The following MRC1 variants were observed in gnomAD, a reference collection of about 807,000 sequenced individuals.
The protein encoded by MRC1 is macrophage mannose receptor 1.
In MRC1, 62 loss-of-function variants were observed where a neutral mutation model predicts 102.9. That is an observed-to-expected ratio of 0.60 (90% CI 0.49 to 0.74). The LOEUF (loss-of-function observed/expected upper bound fraction) is 0.74, where lower values mean the gene tolerates loss of function less well. Ranked by LOEUF, MRC1 falls within the 30% of genes least tolerant of loss-of-function variation. The pLI is 0.00. For missense variants in MRC1, 1,237 were observed against 862.8 expected (o/e 1.43, Z -5.43); for synonymous variants, 457 against 298.4 (o/e 1.53, Z -5.48).
intron 9 of MRC1, among the ~76,000 whole-genome samples, chr10:17,858,190 G>C (rs1302819473): frequency 2.0e-5 from 3 of 152,162 alleles, no homozygotes; most frequent in Non-Finnish European, 4.4e-5. Flanking sequence ...GTTTAGCTAG[G>C]TCAGTTTAGA....
chr10:17,900,384 T>C (rs1459681593), intron 24 of MRC1, among the ~76,000 whole-genome samples: 1 of 152,092 alleles, frequency 6.6e-6, no homozygotes, highest in Non-Finnish European at 1.5e-5. Context: ...CTCTCAGGTG[T>C]CCATGAATTT....
chr10:17,896,218 T>C (rs1368469194), intron 23 of MRC1, among the ~76,000 whole-genome samples: 2 of 152,208 alleles, frequency 1.3e-5, no homozygotes, highest in African/African-American at 4.8e-5. Flanking sequence ...AAGGAATTTT[T>C]CTATACTATT....
At chr10:17,862,182 C>T (rs1433415846) in intron 10 of MRC1, among the ~76,000 whole-genome samples, 2 of 151,972 alleles carry the variant, frequency 1.3e-5, no homozygotes, top group Non-Finnish European at 2.9e-5. Flanking sequence ...ACTGGACTTT[C>T]GAGGCAGACC....
At chr10:17,902,225 AT>A (rs1176099458) in intron 26 of MRC1, 103 bp downstream of exon 26, 1 of 659,910 alleles carries the variant, frequency 1.5e-6, no homozygotes, top group Non-Finnish European at 2.8e-6. Context: ...ACCTGTTTAT[AT>A]TTTTAATGAT....
At position 17,898,320 on chromosome 10, in the gene MRC1, T is replaced by C. The variant is rs1163466056; in HGVS notation, c.3483+54T>C. 7.7e-6 allele frequency: 6 copies of C among 780,674 alleles called. No homozygotes were observed. In the East Asian group the frequency reaches 1.5e-4, roughly 19 times the overall value. 48.4% of individuals were successfully genotyped at this position (780,674 alleles called of 1,614,324 possible). On this transcript the variant is annotated intron_variant, in intron 24 of 29. Coordinates refer to ENST00000569591, the MANE Select transcript of MRC1 (RefSeq NM_002438.4). ...ACATGATCAGTGAATTATGGTTGAATATGATTATCTTTCTGTTTGTTCTGT... is the reference window on the plus strand; with the variant it reads ...ACATGATCAGTGAATTATGGTTGAACATGATTATCTTTCTGTTTGTTCTGT...
rs968205662 is a variant in MRC1 at position 17,814,853 on chromosome 10, C to T, written c.61+5327C>T. On this transcript the variant is annotated intron_variant, in intron 1 of 29. Coordinates refer to ENST00000569591, the MANE Select transcript of MRC1 (RefSeq NM_002438.4). ...CTAATTTTTGTATTTTTAGTAGAGA[C>T]GGGATTTGGTCATGCTCACCAGGCT... Among the ~76,000 whole-genome samples, 122 of 151,648 alleles carry T rather than the reference C, an allele frequency of 8.0e-4. 1 individual carries two copies. Among genetic ancestry groups the T allele is most frequent in the Non-Finnish European group, 1.5e-4 (10 of 67,888 alleles).
In MRC1 at chr10:17,832,319, A is replaced by G. The variant is rs1349548243; in HGVS notation, c.638-1356A>G. On this transcript the variant is annotated intron_variant, in intron 3 of 29. Coordinates refer to ENST00000569591, the MANE Select transcript of MRC1 (RefSeq NM_002438.4). ...AAAACATGTTTTATTCACTTTGGGA[A>G]GCCGAGGCGGGTGGATCACAAGGTC... is the stretch of plus-strand genomic sequence containing the variant. 1.0e-3 allele frequency among the ~76,000 whole-genome samples: 155 copies of G among 151,268 alleles called. No homozygotes were observed. The Middle Eastern group carries it at 0.014, about 13-fold the overall frequency.
chr10:17,903,404 T>TC (rs1249183434), intron 26 of MRC1, among the ~76,000 whole-genome samples: 4 of 140,190 alleles, frequency 2.9e-5, no homozygotes, highest in African/African-American at 1.0e-4. Flanking sequence ...TTTTTTTTTT[T>TC]TTTTTTTTTG....
chr10:17,824,349 C>T (rs2130593608), intron 2 of MRC1, among the ~76,000 whole-genome samples: 1 of 152,302 alleles, frequency 6.6e-6, no homozygotes, highest in African/African-American at 2.4e-5. Flanking sequence ...ACCTCAAGGT[C>T]AGAGAAAGAG....
intron 18 of MRC1, 59 bp downstream of exon 18, chr10:17,878,026 G>C: frequency 1.2e-6 from 1 of 836,200 alleles, no homozygotes. Context: ...CAATACCTAT[G>C]AGTTATTTTG....
At chr10:17,866,044 C>T (rs1554841450) in intron 11 of MRC1, among the ~76,000 whole-genome samples, 2 of 152,154 alleles carry the variant, frequency 1.3e-5, no homozygotes, top group Admixed American at 1.3e-4. Flanking sequence ...TTCGTTAAAG[C>T]TGGCATTCCT....
chr10:17,888,341 C>T (rs1365158811), intron 22 of MRC1, among the ~76,000 whole-genome samples: 1 of 152,148 alleles, frequency 6.6e-6, no homozygotes, highest in Non-Finnish European at 1.5e-5. Flanking sequence ...CTGATAGTTG[C>T]AGCACATGGG....
intron 3 of MRC1, among the ~76,000 whole-genome samples, chr10:17,830,462 TG>T (rs1179033040): frequency 1.3e-5 from 2 of 151,428 alleles, no homozygotes; most frequent in African/African-American, 4.9e-5. Context: ...GCCTTAAAAG[TG>T]GCAGGTTTTA....
intron 4 of MRC1, among the ~76,000 whole-genome samples, chr10:17,836,378 G>A (rs922929440): frequency 2.0e-5 from 3 of 152,212 alleles, no homozygotes; most frequent in Non-Finnish European, 2.9e-5. Context: ...GAACAGAAAG[G>A]ATCAGAGTGA....
At chr10:17,863,508 T>C (rs1833215309) in intron 10 of MRC1, 26 bp from the exon 11 acceptor site, 4 of 780,518 alleles carry the variant, frequency 5.1e-6, no homozygotes, top group South Asian at 2.7e-5. Context: ...AAAAACTTAA[T>C]TGAATGTTAA....
intron 29 of MRC1, among the ~76,000 whole-genome samples, chr10:17,909,821 A>C (rs1195763255): frequency 1.3e-5 from 2 of 151,724 alleles, no homozygotes; most frequent in African/African-American, 4.8e-5. Flanking sequence ...AATTACATCT[A>C]TGAGTTCACG....
chr10:17,906,442 C>A (rs1833896390), intron 26 of MRC1, among the ~76,000 whole-genome samples: 1 of 151,930 alleles, frequency 6.6e-6, no homozygotes, highest in Non-Finnish European at 1.5e-5. Context: ...TATTTTCTAT[C>A]CTTTTTACTT....
intron 23 of MRC1, among the ~76,000 whole-genome samples, chr10:17,896,043 C>G (rs1347762239): frequency 6.6e-6 from 1 of 152,194 alleles, no homozygotes; most frequent in African/African-American, 2.4e-5. Context: ...AGTCTTCAAT[C>G]TGGTCTGGAG....
Position 17,910,868 on chromosome 10 carries a change from G to C in MRC1, c.*403G>C, listed in dbSNP as rs1554844172. 1 of 189,452 alleles carries C rather than the reference G, an allele frequency of 5.3e-6. No individual in the cohort carries two copies. The allele number at this position is 189,452 out of a possible 1,614,324, so 11.7% of individuals were successfully genotyped here. ...CAGCAAGTAGAAGACCATTTGAAAA[G>C]TCAGGTACAAATTTCCTCAAGTGGC... On this transcript the variant is annotated 3_prime_UTR_variant, in exon 30 of 30. Transcript: ENST00000569591.
Sources: gnomAD v4.1 joint callset for allele counts (sites outside exome capture counted in the v4.1 genomes callset) on GRCh38, gnomAD v4.1.1 for gene constraint, MANE v1.5 for transcripts, NCBI Gene and HGNC (gene_info 2026-07-23, HGNC 2026-07-21) for gene names.